CLSTN2: variants seen among roughly 807,000 people sequenced by gnomAD.
The protein encoded by CLSTN2 is calsyntenin 2.
CLSTN2 carries 48 observed loss-of-function variants against 101.2 expected under a neutral mutation model. The ratio of observed to expected loss-of-function variants is 0.47; its 90% confidence interval spans 0.38 to 0.60. The LOEUF is 0.60. CLSTN2 is among the 20% of genes least tolerant of loss of function. The pLI is 0.00. For synonymous variants in CLSTN2, 481 were observed against 463.6 expected (o/e 1.04, Z -0.48); for missense variants, 1,160 against 1,238.2 (o/e 0.94, Z 0.95).
chr3:140,227,101 C>T (rs111254884), intron 2 of CLSTN2, among the ~76,000 whole-genome samples: 6,255 of 152,284 alleles, frequency 0.041, 402 homozygotes, highest in African/African-American at 0.14. Flanking sequence ...AAATTCTTAA[C>T]TCATTTCAGC....
chr3:140,249,721 C>G (rs2086545854), intron 2 of CLSTN2, among the ~76,000 whole-genome samples: 1 of 152,048 alleles, frequency 6.6e-6, no homozygotes, highest in Admixed American at 6.6e-5. Flanking sequence ...ATTTTCTTTC[C>G]TCTATTATGT....
intron 2 of CLSTN2, among the ~76,000 whole-genome samples, chr3:140,321,049 C>A (rs945105502): frequency 3.3e-5 from 5 of 152,058 alleles, no homozygotes; most frequent in Non-Finnish European, 7.4e-5. Flanking sequence ...TCATCTTTCG[C>A]GGGGTATGGG....
intron 5 of CLSTN2, among the ~76,000 whole-genome samples, chr3:140,426,560 C>T (rs73228983): frequency 1.5e-4 from 23 of 152,192 alleles, no homozygotes; most frequent in Non-Finnish European, 3.2e-4. Context: ...AGGACACAAA[C>T]GTTTAGTCTA....
chr3:140,418,027 A>G (rs9843026), intron 4 of CLSTN2, among the ~76,000 whole-genome samples: 7,231 of 152,256 alleles, frequency 0.047, 563 homozygotes, highest in African/African-American at 0.16. Flanking sequence ...TACCACAATC[A>G]ATAGTGTTTG....
chr3:140,556,800 G>GC, intron 11 of CLSTN2, 139 bp downstream of exon 11: 3 of 765,008 alleles, frequency 3.9e-6, no homozygotes, highest in Non-Finnish European at 6.2e-6. Flanking sequence ...TTCCTCTGAG[G>GC]ATGCCTCAAA....
chr3:140,281,647 G>A (rs2086848568), intron 2 of CLSTN2, among the ~76,000 whole-genome samples: 1 of 152,140 alleles, frequency 6.6e-6, no homozygotes, highest in South Asian at 2.1e-4. Context: ...CTTCATGTCT[G>A]TTCTTCAACC....
At chr3:140,513,770 T>G (rs1934864045) in intron 8 of CLSTN2, among the ~76,000 whole-genome samples, 1 of 151,962 alleles carries the variant, frequency 6.6e-6, no homozygotes, top group South Asian at 2.1e-4. Flanking sequence ...GGGCCTGGGC[T>G]TTTTTTGGTT....
intron 1 of CLSTN2, among the ~76,000 whole-genome samples, chr3:140,089,580 TTTTATTTATTTATTTA>T (rs71627875): frequency 0.078 from 11,437 of 145,986 alleles, 645 homozygotes; most frequent in African/African-American, 0.15. Flanking sequence ...TTTCAGCTGG[TTTTATTTATTTATTTA>T]TTTATTTATT....
chr3:140,010,974 T>C (rs529379351), intron 1 of CLSTN2, among the ~76,000 whole-genome samples: 4 of 152,334 alleles, frequency 2.6e-5, no homozygotes, highest in African/African-American at 9.6e-5. Flanking sequence ...TTCTGGGGGT[T>C]ACAGTGAGCA....
At chr3:140,232,681 A>G (rs555436930) in intron 2 of CLSTN2, among the ~76,000 whole-genome samples, 96 of 152,276 alleles carry the variant, frequency 6.3e-4, no homozygotes, top group South Asian at 5.4e-3. Context: ...TGAACTTATT[A>G]CTTGTCCTCC....
intron 8 of CLSTN2, among the ~76,000 whole-genome samples, chr3:140,512,148 A>G (rs1240131922): frequency 6.6e-6 from 1 of 151,806 alleles, no homozygotes; most frequent in African/African-American, 2.4e-5. Flanking sequence ...ATTAGATCTC[A>G]TTTGTCAATT....
Position 140,135,443 on chromosome 3 carries a change from G to A in CLSTN2, c.110-40508G>A, listed in dbSNP as rs150897258. Among the ~76,000 whole-genome samples, 8 of 152,170 alleles carry A rather than the reference G, an allele frequency of 5.3e-5. No individual in the cohort carries two copies. The East Asian group carries it at 1.5e-3, about 29-fold the overall frequency. On this transcript the variant is annotated intron_variant, in intron 1 of 16. Transcript: ENST00000458420. ...AATCTTGAGCTAAATGGAGAATAAA[G>A]TTGATTCAATATGTCATTTCTGTTG...
At chr3:140,245,513 A>C (rs1021063802) in intron 2 of CLSTN2, among the ~76,000 whole-genome samples, 1 of 152,208 alleles carries the variant, frequency 6.6e-6, no homozygotes, top group Non-Finnish European at 1.5e-5. Flanking sequence ...GGAGTGTGCA[A>C]TCCTTAACCT....
chr3:140,202,894 G>A (rs1183643730), intron 2 of CLSTN2, among the ~76,000 whole-genome samples: 8 of 152,038 alleles, frequency 5.3e-5, no homozygotes, highest in Admixed American at 5.2e-4. Flanking sequence ...CTTGAATTTG[G>A]GTCCATCCAT....
At chr3:140,140,913 A>G (rs1042393293) in intron 1 of CLSTN2, among the ~76,000 whole-genome samples, 4 of 152,300 alleles carry the variant, frequency 2.6e-5, no homozygotes, top group African/African-American at 9.6e-5. Context: ...TCCTTAACTT[A>G]CATAAAATAT....
rs940229369 is a variant in CLSTN2 at position 140,178,980 on chromosome 3, C to A, written c.232+2907C>A. Among the ~76,000 whole-genome samples, 8 of 152,098 alleles carry A rather than the reference C, an allele frequency of 5.3e-5. No homozygotes were observed. In the South Asian group the frequency reaches 6.2e-4, roughly 12 times the overall value. On this transcript the variant is annotated intron_variant, in intron 2 of 16. Transcript: ENST00000458420. Reference sequence around the variant, plus strand: ...TTGTGCTCTTATTTCTCTTATCTGTCTCCCCCTTTAATTTTTTTTAAGAAA... The same window carrying A: ...TTGTGCTCTTATTTCTCTTATCTGTATCCCCCTTTAATTTTTTTTAAGAAA...
chr3:140,279,376 C>A (rs149715216), intron 2 of CLSTN2, among the ~76,000 whole-genome samples: 2 of 152,208 alleles, frequency 1.3e-5, no homozygotes, highest in Non-Finnish European at 2.9e-5. Context: ...GGTTCAGGCC[C>A]ACAAGTTGAA....
intron 2 of CLSTN2, among the ~76,000 whole-genome samples, chr3:140,389,505 A>G (rs1576544817): frequency 6.6e-6 from 1 of 152,142 alleles, no homozygotes; most frequent in Non-Finnish European, 1.5e-5. Context: ...TCCATGGTGT[A>G]TATGTATTTT....
At chr3:140,238,271 C>T (rs1022278232) in intron 2 of CLSTN2, among the ~76,000 whole-genome samples, 1 of 152,138 alleles carries the variant, frequency 6.6e-6, no homozygotes, top group Non-Finnish European at 1.5e-5. Context: ...TTTCAGTGCT[C>T]TCTGGAAAAT....
Sources: allele counts gnomAD v4.1 joint callset (sites outside exome capture counted in the v4.1 genomes callset), GRCh38; gene constraint gnomAD v4.1.1; transcripts MANE v1.5; gene names NCBI Gene and HGNC (gene_info 2026-07-23, HGNC 2026-07-21).